Variants in SLC2A13 observed in about 807,000 individuals in gnomAD.
The protein encoded by SLC2A13 is proton myo-inositol cotransporter.
A neutral mutation model predicts 64.4 loss-of-function variants in SLC2A13; 32 were observed. The ratio of observed to expected loss-of-function variants is 0.50; its 90% CI spans 0.37 to 0.67. The LOEUF (loss-of-function observed/expected upper bound fraction) is 0.67, where lower values mean the gene tolerates loss of function less well. SLC2A13 is among the 30% of genes least tolerant of loss of function. The pLI, the probability that SLC2A13 is intolerant of heterozygous loss-of-function variation, is 0.00. For synonymous variants in SLC2A13, 338 were observed against 327.1 expected (o/e 1.03, Z -0.36); for missense variants, 743 against 829.2 (o/e 0.90, Z 1.28).
chr12:40,045,136 G>A (rs1948151664), intron 2 of SLC2A13, among the ~76,000 whole-genome samples: 1 of 152,182 alleles, frequency 6.6e-6, no homozygotes, highest in South Asian at 2.1e-4. Context: ...CAGTAAATCT[G>A]GGACACTGGG....
At chr12:40,076,425 C>A (rs544749984) in intron 1 of SLC2A13, among the ~76,000 whole-genome samples, 5 of 152,220 alleles carry the variant, frequency 3.3e-5, no homozygotes, top group Admixed American at 2.0e-4. Flanking sequence ...ATTTTCTGTT[C>A]TTGCATTAAT....
chr12:39,920,270 A>G (rs1945592928), intron 4 of SLC2A13, among the ~76,000 whole-genome samples: 1 of 152,150 alleles, frequency 6.6e-6, no homozygotes, highest in African/African-American at 2.4e-5. Context: ...TGTATGTAAT[A>G]AGAGACTGCG....
intron 3 of SLC2A13, among the ~76,000 whole-genome samples, chr12:40,010,898 T>C (rs138771130): frequency 1.4e-3 from 208 of 152,138 alleles, no homozygotes; most frequent in African/African-American, 4.9e-3. Flanking sequence ...TGTGAGTGTG[T>C]TGTGTTTTAG....
chr12:40,103,668 T>A (rs1456739299), intron 1 of SLC2A13, among the ~76,000 whole-genome samples: 1 of 152,198 alleles, frequency 6.6e-6, no homozygotes, highest in Non-Finnish European at 1.5e-5. Flanking sequence ...CAGAAAAGAT[T>A]GAGGTTGACA....
chr12:39,980,689 C>G (rs1591975431), intron 3 of SLC2A13, among the ~76,000 whole-genome samples: 1 of 151,510 alleles, frequency 6.6e-6, no homozygotes, highest in East Asian at 1.9e-4. Context: ...CCTGAGTGAC[C>G]TACAAAGAGA....
chr12:39,817,017 G>C (rs1173571149), intron 7 of SLC2A13, among the ~76,000 whole-genome samples: 1 of 151,772 alleles, frequency 6.6e-6, no homozygotes, highest in Non-Finnish European at 1.5e-5. Context: ...AGGATACCAA[G>C]AACCACAAAT....
rs758424475 is a variant in SLC2A13 at position 39,764,655 on chromosome 12, A to C, written c.1568-43T>G. 3.2e-6 allele frequency: 5 copies of C among 1,582,628 alleles called. No homozygotes were observed. The African/African-American group carries it at 5.5e-5, about 17-fold the overall frequency. ...AAAAACTTTAGTAAAATAGCATGTA[A>C]GAAATTTGAAAAATTATAGTTTATC... is the stretch of plus-strand genomic sequence containing the variant. On this transcript the variant is annotated intron_variant, in intron 8 of 9. Transcript: ENST00000280871.
intron 1 of SLC2A13, 32 bp from the exon 2 acceptor site, chr12:40,048,242 A>G: frequency 1.3e-6 from 2 of 1,572,728 alleles, no homozygotes; most frequent in Non-Finnish European, 1.7e-6. Context: ...AATGTGAGAC[A>G]TTTACTCAAG....
intron 3 of SLC2A13, among the ~76,000 whole-genome samples, chr12:39,959,618 C>G (rs1320177589): frequency 6.6e-6 from 1 of 152,106 alleles, no homozygotes; most frequent in African/African-American, 2.4e-5. Context: ...TTTTCTTTGT[C>G]AAAAGTATCT....
At chr12:40,023,444 G>A (rs1208015498) in intron 3 of SLC2A13, among the ~76,000 whole-genome samples, 1 of 152,158 alleles carries the variant, frequency 6.6e-6, no homozygotes, top group African/African-American at 2.4e-5. Flanking sequence ...GGGTACACTT[G>A]TTCGCTGGTA....
chr12:39,809,059 T>C (rs552607863), intron 7 of SLC2A13, among the ~76,000 whole-genome samples: 1 of 152,274 alleles, frequency 6.6e-6, no homozygotes, highest in Admixed American at 6.5e-5. Context: ...ATTAGGTCTA[T>C]GATGTATATT....
chr12:39,855,723 C>A (rs1405144890), intron 6 of SLC2A13, among the ~76,000 whole-genome samples: 2 of 152,190 alleles, frequency 1.3e-5, no homozygotes, highest in African/African-American at 4.8e-5. Flanking sequence ...CTGTATAGAA[C>A]TTACACAATT....
chr12:39,870,911 C>T (rs1944032587), intron 5 of SLC2A13, among the ~76,000 whole-genome samples: 1 of 152,098 alleles, frequency 6.6e-6, no homozygotes, highest in African/African-American at 2.4e-5. Flanking sequence ...GTGACTGAAA[C>T]AGTTCTATTA....
chr12:39,785,523 G>A lies in SLC2A13; in HGVS notation c.1446-20665C>T, dbSNP rs118017248. Among the ~76,000 whole-genome samples, 268 of 152,338 alleles carry A rather than the reference G, an allele frequency of 1.8e-3. 1 individual carries two copies. Among genetic ancestry groups the A allele is most frequent in the Non-Finnish European group, 3.3e-3 (224 of 68,028 alleles). Reference sequence around the variant, plus strand: ...AACCTCTGCTAGGGCACTGCTGAAGGGAAATGTGGGGTCAGAGCCCCCACA... The same window carrying A: ...AACCTCTGCTAGGGCACTGCTGAAGAGAAATGTGGGGTCAGAGCCCCCACA... On this transcript the variant is annotated intron_variant, in intron 7 of 9. Transcript: ENST00000280871.
At chr12:39,777,330 T>C (rs554326873) in intron 7 of SLC2A13, among the ~76,000 whole-genome samples, 2 of 152,296 alleles carry the variant, frequency 1.3e-5, no homozygotes, top group East Asian at 1.9e-4. Flanking sequence ...TCCAGAGTTA[T>C]GATAAATAAA....
At chr12:40,035,382 T>C (rs1947965941) in intron 2 of SLC2A13, among the ~76,000 whole-genome samples, 1 of 152,226 alleles carries the variant, frequency 6.6e-6, no homozygotes, top group East Asian at 1.9e-4. Flanking sequence ...CTTGGTAACA[T>C]ATTTTTAAAT....
intron 6 of SLC2A13, among the ~76,000 whole-genome samples, chr12:39,832,458 A>G (rs1592182687): frequency 6.6e-6 from 1 of 152,130 alleles, no homozygotes; most frequent in African/African-American, 2.4e-5. Context: ...ATAATTACTG[A>G]GAACTTATTG....
rs770834231 is a variant in SLC2A13 at position 39,898,282 on chromosome 12, G to A, written c.1035-26321C>T. On this transcript the variant is annotated intron_variant, in intron 4 of 9. Transcript: ENST00000280871. ...ACCAATGAAAAGAAGAAACTCTTTC[G>A]AAAATATAAGACAAGCCTTATACAC... 5.9e-5 allele frequency among the ~76,000 whole-genome samples: 9 copies of A among 152,150 alleles called. No homozygotes were observed. In the South Asian group the frequency reaches 8.3e-4, roughly 14 times the overall value.
At chr12:40,016,589 C>T (rs188779910) in intron 3 of SLC2A13, among the ~76,000 whole-genome samples, 3 of 152,272 alleles carry the variant, frequency 2.0e-5, no homozygotes, top group African/African-American at 7.2e-5. Context: ...TTCATAGGCT[C>T]ACCTTTCATA....
Sources: allele counts gnomAD v4.1 joint callset (sites outside exome capture counted in the v4.1 genomes callset), GRCh38; gene constraint gnomAD v4.1.1; transcripts MANE v1.5; gene names NCBI Gene and HGNC (gene_info 2026-07-23, HGNC 2026-07-21).